The following OPCML variants were observed in gnomAD, a reference collection of about 807,000 sequenced individuals.
The protein encoded by OPCML is opioid-binding protein/cell adhesion molecule.
OPCML carries 13 observed loss-of-function variants against 37.8 expected under a neutral mutation model. The ratio of observed to expected loss-of-function variants is 0.34; its 90% confidence interval spans 0.22 to 0.55. OPCML has a LOEUF of 0.55. OPCML is among the 20% of genes least tolerant of loss of function. OPCML has a pLI of 0.91. For synonymous variants in OPCML, 176 were observed against 168.8 expected (o/e 1.04, Z -0.33); for missense variants, 341 against 435.6 (o/e 0.78, Z 1.93).
chr11:132,543,306 G>T (rs538909296), intron 3 of OPCML, among the ~76,000 whole-genome samples: 5 of 152,252 alleles, frequency 3.3e-5, no homozygotes, highest in South Asian at 2.1e-4. Flanking sequence ...GAGACCAGGA[G>T]TTTTAGACCA....
intron 1 of OPCML, among the ~76,000 whole-genome samples, chr11:133,349,822 A>G (rs1312767557): frequency 3.3e-5 from 5 of 152,220 alleles, no homozygotes; most frequent in African/African-American, 1.2e-4. Flanking sequence ...TGACTTATGC[A>G]CAGAGCATAT....
At chr11:132,960,288 A>G (rs1124056) in intron 1 of OPCML, among the ~76,000 whole-genome samples, 6,616 of 152,278 alleles carry the variant, frequency 0.043, 192 homozygotes, top group Middle Eastern at 0.068. Context: ...TGTCCCTCGA[A>G]AGCCCCAGTC....
chr11:133,418,006 T>C (rs769655958), intron 1 of OPCML: 23 of 937,104 alleles, frequency 2.5e-5, no homozygotes, highest in Non-Finnish European at 2.7e-5. Flanking sequence ...ACGTAGGCAA[T>C]TTCCTCTGAT....
At chr11:133,159,692 G>A (rs1950115974) in intron 1 of OPCML, among the ~76,000 whole-genome samples, 1 of 152,238 alleles carries the variant, frequency 6.6e-6, no homozygotes, top group Admixed American at 6.5e-5. Flanking sequence ...ATAATGGAAG[G>A]CAGGGCTCTG....
At chr11:132,611,955 G>A (rs1303251973) in intron 3 of OPCML, among the ~76,000 whole-genome samples, 2 of 152,150 alleles carry the variant, frequency 1.3e-5, no homozygotes, top group Admixed American at 6.5e-5. Context: ...CGGAGGAGAC[G>A]TTCCACAGGA....
At chr11:132,959,561 G>T (rs1946047048) in intron 1 of OPCML, among the ~76,000 whole-genome samples, 1 of 152,208 alleles carries the variant, frequency 6.6e-6, no homozygotes, top group African/African-American at 2.4e-5. Flanking sequence ...GGGGCACAGT[G>T]CAAGGGATTA....
rs527834993 is a variant in OPCML at position 132,526,872 on chromosome 11, C to T, written c.505+2189G>A. On this transcript the variant is annotated intron_variant, in intron 4 of 7. Transcript: ENST00000524381. ...ACATCCCCCAGAATTTCTTGTGGCC[C>T]TTTGCCGTCACTTCTCCCCTAATCC... is the stretch of plus-strand genomic sequence containing the variant. Among the ~76,000 whole-genome samples the T allele has an allele frequency of 3.3e-5, 5 of 152,096 alleles. No individual in the cohort carries two copies. In the South Asian group the frequency reaches 8.3e-4, roughly 25 times the overall value.
At chr11:132,997,038 T>C (rs1052936374) in intron 1 of OPCML, among the ~76,000 whole-genome samples, 1 of 152,166 alleles carries the variant, frequency 6.6e-6, no homozygotes, top group Non-Finnish European at 1.5e-5. Flanking sequence ...CCCAGGTAAC[T>C]GTCAGCATTG....
At position 133,174,619 on chromosome 11, in the gene OPCML, C is replaced by A. The variant is rs1336907358; in HGVS notation, c.62-231609G>T. Among the ~76,000 whole-genome samples, 1 of 137,356 alleles carries A rather than the reference C, an allele frequency of 7.3e-6. No individual in the cohort carries two copies. The highest frequency in any genetic ancestry group is 1.5e-5 in the Non-Finnish European group (1 of 65,640). 90.1% of individuals were successfully genotyped at this position (137,356 alleles called of 152,430 possible). ...TGCATTTATTTGTGTTGAAAAAATG[C>A]TCATGGAATGCTGTTTAGTGAAAAA... On this transcript the variant is annotated intron_variant, in intron 1 of 7. Coordinates refer to ENST00000524381, the MANE Select transcript of OPCML (RefSeq NM_001012393.5). The surrounding 1 kb of genome is among the most constrained non-coding windows in gnomAD (Gnocchi z 4.6).
chr11:132,547,353 G>T (rs1044236338), intron 3 of OPCML, among the ~76,000 whole-genome samples: 2 of 152,110 alleles, frequency 1.3e-5, no homozygotes, highest in Admixed American at 6.6e-5. Context: ...AAAGAGGGTG[G>T]GCGAATCAAG....
chr11:132,733,769 A>C (rs939328374), intron 2 of OPCML, among the ~76,000 whole-genome samples: 1 of 152,170 alleles, frequency 6.6e-6, no homozygotes, highest in Non-Finnish European at 1.5e-5. Context: ...GTGCTGAGAA[A>C]GAGATGAGAT....
chr11:132,906,368 C>A (rs1243502805), intron 2 of OPCML, among the ~76,000 whole-genome samples: 1 of 152,146 alleles, frequency 6.6e-6, no homozygotes, highest in Non-Finnish European at 1.5e-5. Context: ...ATCTTTAGGG[C>A]CTATGAACAG....
chr11:133,002,028 T>C (rs907015733), intron 1 of OPCML, among the ~76,000 whole-genome samples: 1 of 152,086 alleles, frequency 6.6e-6, no homozygotes, highest in African/African-American at 2.4e-5. Flanking sequence ...CAAACACAAG[T>C]GGTTTGAAAG....
intron 1 of OPCML, among the ~76,000 whole-genome samples, chr11:133,280,724 G>A (rs1942122751): frequency 1.3e-5 from 2 of 152,088 alleles, no homozygotes; most frequent in Admixed American, 1.3e-4. Context: ...GTAGAAGCTG[G>A]TACCCTGGTT....
intron 4 of OPCML, among the ~76,000 whole-genome samples, chr11:132,439,409 A>G (rs1162102247): frequency 6.6e-6 from 1 of 152,160 alleles, no homozygotes; most frequent in Non-Finnish European, 1.5e-5. Flanking sequence ...TTAAGCCGGC[A>G]TTTGCTGGAT....
At chr11:132,911,182 C>T (rs950362224) in intron 2 of OPCML, among the ~76,000 whole-genome samples, 1 of 152,210 alleles carries the variant, frequency 6.6e-6, no homozygotes, top group African/African-American at 2.4e-5. Flanking sequence ...CCCTTACTCT[C>T]AACCACCGCC....
At chr11:132,631,988 T>C (rs1940160140) in intron 3 of OPCML, among the ~76,000 whole-genome samples, 1 of 152,092 alleles carries the variant, frequency 6.6e-6, no homozygotes, top group African/African-American at 2.4e-5. Flanking sequence ...ATAAGTTTTG[T>C]CCAGGTTTTC....
intron 1 of OPCML, among the ~76,000 whole-genome samples, chr11:133,273,322 G>A (rs1462568721): frequency 6.6e-6 from 1 of 152,098 alleles, no homozygotes; most frequent in African/African-American, 2.4e-5. Flanking sequence ...ACCCCTGTGA[G>A]CCAGCAGGGT....
intron 2 of OPCML, among the ~76,000 whole-genome samples, chr11:132,677,176 G>T (rs1425372565): frequency 6.6e-6 from 1 of 151,930 alleles, no homozygotes; most frequent in East Asian, 1.9e-4. Context: ...GAGATACTTA[G>T]ATATAAATCT....
Sources: gnomAD v4.1 joint callset for allele counts (sites outside exome capture counted in the v4.1 genomes callset) on GRCh38, gnomAD v4.1.1 for gene constraint, Gnocchi (gnomAD v3.1) non-coding constraint, MANE v1.5 for transcripts, NCBI Gene and HGNC (gene_info 2026-07-23, HGNC 2026-07-21) for gene names.